The following R3HCC1L variants were observed in gnomAD, a reference collection of about 807,000 sequenced individuals.
The protein encoded by R3HCC1L is coiled-coil domain-containing protein R3HCC1L.
A neutral mutation model predicts 59.9 loss-of-function variants in R3HCC1L; 51 were observed. The ratio of observed to expected loss-of-function variants is 0.85; its 90% confidence interval spans 0.68 to 1.07. The LOEUF (loss-of-function observed/expected upper bound fraction) is 1.07. R3HCC1L is among the 50% of genes least tolerant of loss of function. The pLI is 0.00. For synonymous variants in R3HCC1L, 322 were observed against 315.2 expected (o/e 1.02, Z -0.23); for missense variants, 965 against 933.0 (o/e 1.03, Z -0.45).
chr10:98,206,891 A>G (rs977836536), intron 4 of R3HCC1L, among the ~76,000 whole-genome samples: 5 of 152,224 alleles, frequency 3.3e-5, no homozygotes, highest in South Asian at 2.1e-4. Context: ...ATGTTGGGCT[A>G]GATGTTAACT....
At chr10:98,159,735 C>T (rs1847215341) in intron 2 of R3HCC1L, among the ~76,000 whole-genome samples, 2 of 152,154 alleles carry the variant, frequency 1.3e-5, no homozygotes, top group Non-Finnish European at 2.9e-5. Context: ...TTGACATGCC[C>T]CTGTCATTCT....
At chr10:98,205,399 G>A (rs370074839) in intron 4 of R3HCC1L, among the ~76,000 whole-genome samples, 1 of 152,108 alleles carries the variant, frequency 6.6e-6, no homozygotes, top group East Asian at 1.9e-4. Context: ...TTTCTTGATT[G>A]TCTAGACTTA....
chr10:98,198,737 T>C (rs1312748981), intron 4 of R3HCC1L, among the ~76,000 whole-genome samples: 1 of 152,146 alleles, frequency 6.6e-6, no homozygotes, highest in African/African-American at 2.4e-5. Context: ...TGTACATTCA[T>C]GGTTTAGTTG....
At chr10:98,161,709 T>C (rs1312969242) in intron 2 of R3HCC1L, among the ~76,000 whole-genome samples, 2 of 152,198 alleles carry the variant, frequency 1.3e-5, no homozygotes, top group East Asian at 1.9e-4. Context: ...TTTGATATGC[T>C]ACCTTTATCA....
intron 5 of R3HCC1L, among the ~76,000 whole-genome samples, chr10:98,211,577 T>C (rs557475845): frequency 2.0e-5 from 3 of 152,264 alleles, no homozygotes; most frequent in South Asian, 2.1e-4. Context: ...GTGAAAGGAC[T>C]GCATGAGGAA....
chr10:98,236,952 C>T (rs759843041), intron 9 of R3HCC1L, among the ~76,000 whole-genome samples: 1 of 152,130 alleles, frequency 6.6e-6, no homozygotes, highest in Non-Finnish European at 1.5e-5. Context: ...TTCCACTTAC[C>T]GAAAAGTAAC....
chr10:98,236,332 A>G (rs1856957055), intron 9 of R3HCC1L, among the ~76,000 whole-genome samples, 168 bp downstream of exon 9: 3 of 152,320 alleles, frequency 2.0e-5, no homozygotes, highest in Non-Finnish European at 2.9e-5. Context: ...AAGATGTTTC[A>G]GGATTGTCTG....
chr10:98,234,525 C>T lies in R3HCC1L; in HGVS notation c.2032+9C>T. ...CTCCAGTCCAATTACAGGTATTCAC[C>T]CAGTGGCTTTCAATCTTCCTTTCTT... On this transcript the variant is annotated intron_variant, in intron 7 of 9. Coordinates refer to ENST00000298999, the MANE Select transcript of R3HCC1L (RefSeq NM_001351015.2). 1 of 1,605,282 alleles carries T rather than the reference C, an allele frequency of 6.2e-7. No individual in the cohort carries two copies. Among genetic ancestry groups the T allele is most frequent in the South Asian group, 1.1e-5 (1 of 90,114 alleles).
intron 5 of R3HCC1L, among the ~76,000 whole-genome samples, chr10:98,230,673 T>A (rs1370772053): frequency 6.6e-6 from 1 of 152,176 alleles, no homozygotes; most frequent in Non-Finnish European, 1.5e-5. Flanking sequence ...GATGTTAGGG[T>A]GTCAATTTTA....
intron 4 of R3HCC1L, among the ~76,000 whole-genome samples, chr10:98,176,656 C>G (rs369946072): frequency 2.6e-5 from 4 of 152,076 alleles, no homozygotes; most frequent in African/African-American, 9.7e-5. Context: ...CAGATAAAGA[C>G]AGTATTACTT....
chr10:98,167,674 T>C (rs1848093934), intron 4 of R3HCC1L, among the ~76,000 whole-genome samples: 1 of 152,230 alleles, frequency 6.6e-6, no homozygotes, highest in Non-Finnish European at 1.5e-5. Context: ...CTTACAGTAG[T>C]AGTTAGATGC....
At chr10:98,143,056 CT>C (rs1590379765) in intron 1 of R3HCC1L, among the ~76,000 whole-genome samples, 1 of 152,012 alleles carries the variant, frequency 6.6e-6, no homozygotes, top group East Asian at 1.9e-4. Flanking sequence ...CCATATTAAC[CT>C]TTTCTAAATC....
intron 4 of R3HCC1L, among the ~76,000 whole-genome samples, chr10:98,206,956 G>A (rs575343824): frequency 4.0e-4 from 61 of 152,206 alleles, no homozygotes; most frequent in Non-Finnish European, 7.2e-4. Flanking sequence ...TTGATGATCA[G>A]GGCCACGGTA....
intron 4 of R3HCC1L, among the ~76,000 whole-genome samples, chr10:98,195,445 C>CTT (rs769750323): frequency 7.1e-6 from 1 of 141,066 alleles, no homozygotes; most frequent in East Asian, 2.0e-4. Flanking sequence ...AATTTATGTT[C>CTT]TTTTTTTTTT....
intron 5 of R3HCC1L, among the ~76,000 whole-genome samples, chr10:98,215,095 C>T (rs1309569709): frequency 6.6e-6 from 1 of 152,172 alleles, no homozygotes; most frequent in East Asian, 1.9e-4. Flanking sequence ...CTCTACCTGA[C>T]TGGGTCTCAG....
chr10:98,242,402 G>T (rs1857629413), intron 9 of R3HCC1L, among the ~76,000 whole-genome samples: 1 of 152,138 alleles, frequency 6.6e-6, no homozygotes, highest in Non-Finnish European at 1.5e-5. Context: ...AGGTAATATG[G>T]TATCTGTCTT....
intron 1 of R3HCC1L, among the ~76,000 whole-genome samples, chr10:98,141,814 G>A (rs1332094853): frequency 6.6e-6 from 1 of 152,182 alleles, no homozygotes; most frequent in Admixed American, 6.5e-5. Flanking sequence ...ATTACTTTTT[G>A]TGACCAAGCC....
rs759954458 is a variant in R3HCC1L at position 98,231,629 on chromosome 10, T to C, written c.1903T>C (p.Tyr635His). The change falls in exon 6 of 10, where the codon TAT becomes CAT. Residue 635 changes from tyrosine (Y) to histidine (H), a missense_variant. Physicochemically the swap from Tyr to His is moderately conservative, Grantham distance 83. Transcript: ENST00000298999. ...DCEFPHVIEI[Y>H]DFPQEFHTED... ...TGAATTCCCACATGTCATTGAAATT[T>C]ATGACTTTCCCCAAGAATTTCATAC... 2 of 1,612,604 alleles carry C rather than the reference T, an allele frequency of 1.2e-6. No individual in the cohort carries two copies. The highest frequency in any genetic ancestry group is 1.7e-5 in the Admixed American group (1 of 59,894).
intron 2 of R3HCC1L, among the ~76,000 whole-genome samples, chr10:98,157,154 C>A (rs1354368444): frequency 6.6e-6 from 1 of 152,140 alleles, no homozygotes; most frequent in Admixed American, 6.5e-5. Flanking sequence ...TCATTTGGAT[C>A]TTTTCACTGG....
Sources: gnomAD v4.1 joint callset for allele counts (sites outside exome capture counted in the v4.1 genomes callset) on GRCh38, gnomAD v4.1.1 for gene constraint, MANE v1.5 for transcripts, NCBI Gene and HGNC (gene_info 2026-07-23, HGNC 2026-07-21) for gene names.